ARHGAP15: variants seen among roughly 807,000 people sequenced by gnomAD.
ARHGAP15 encodes rho GTPase-activating protein 15.
In ARHGAP15, 51 loss-of-function variants were observed where a neutral mutation model predicts 63.7. That is an observed-to-expected ratio of 0.80 (90% CI 0.64 to 1.01). The LOEUF (loss-of-function observed/expected upper bound fraction) is 1.01, where lower values mean the gene tolerates loss of function less well. Among genes scored for constraint, ARHGAP15 ranks in the 50% least tolerant of loss-of-function variants. The pLI, the probability that ARHGAP15 is intolerant of heterozygous loss-of-function variation, is 0.00. For missense variants in ARHGAP15, 560 were observed against 564.6 expected (o/e 0.99, Z 0.08); for synonymous variants, 191 against 193.8 (o/e 0.99, Z 0.12).
intron 6 of ARHGAP15, among the ~76,000 whole-genome samples, chr2:143,307,009 T>G (rs1432182069): frequency 3.9e-5 from 6 of 152,100 alleles, no homozygotes; most frequent in Non-Finnish European, 8.8e-5. Context: ...AGGCTCAGGG[T>G]CCTCGTCCAA....
chr2:143,605,097 C>G (rs374987494), intron 11 of ARHGAP15, among the ~76,000 whole-genome samples: 2 of 151,926 alleles, frequency 1.3e-5, no homozygotes, highest in Non-Finnish European at 2.9e-5. Flanking sequence ...TTAGTAGAGA[C>G]GGGATTTTAC....
At chr2:143,489,563 T>A (rs1465215967) in intron 9 of ARHGAP15, among the ~76,000 whole-genome samples, 1 of 152,110 alleles carries the variant, frequency 6.6e-6, no homozygotes, top group Non-Finnish European at 1.5e-5. Flanking sequence ...CCCAACTCGG[T>A]AAAAGGCATT....
intron 6 of ARHGAP15, among the ~76,000 whole-genome samples, chr2:143,324,394 A>C (rs995216282): frequency 6.6e-6 from 1 of 152,180 alleles, no homozygotes; most frequent in African/African-American, 2.4e-5. Flanking sequence ...ATTACATGCT[A>C]AAAATGACTT....
intron 2 of ARHGAP15, among the ~76,000 whole-genome samples, chr2:143,188,919 G>C (rs554369699): frequency 1.3e-5 from 2 of 151,398 alleles, no homozygotes; most frequent in Non-Finnish European, 2.9e-5. Context: ...CCACCGTGCC[G>C]GCCCCTATGC....
intron 9 of ARHGAP15, among the ~76,000 whole-genome samples, chr2:143,493,850 A>G (rs1236802566): frequency 3.3e-5 from 5 of 152,160 alleles, no homozygotes; most frequent in African/African-American, 9.7e-5. Context: ...TCAACGGTCT[A>G]AAAAATACCT....
intron 6 of ARHGAP15, among the ~76,000 whole-genome samples, chr2:143,291,748 A>G (rs1200252114): frequency 6.6e-6 from 1 of 152,018 alleles, no homozygotes; most frequent in African/African-American, 2.4e-5. Flanking sequence ...TTGAATTCAA[A>G]CTGATGAGGT....
chr2:143,133,686 T>C (rs562202314), intron 1 of ARHGAP15, among the ~76,000 whole-genome samples: 8 of 152,312 alleles, frequency 5.3e-5, no homozygotes, highest in African/African-American at 1.7e-4. Flanking sequence ...TATAGTGAGA[T>C]GGTTCAAAAT....
rs182472980 is a variant in ARHGAP15, at chr2:143,550,628, A to G, written c.926-5780A>G. 1.9e-3 allele frequency among the ~76,000 whole-genome samples: 283 copies of G among 152,348 alleles called. 2 individuals carry two copies. Among genetic ancestry groups the G allele is most frequent in the African/African-American group, 6.8e-3 (281 of 41,576 alleles). On this transcript the variant is annotated intron_variant, in intron 10 of 13. Coordinates refer to ENST00000295095, the MANE Select transcript of ARHGAP15 (RefSeq NM_018460.4). ...GAATGCTGGTTTGGACAGCAAAGACATAGAACATTTCTATCATTGCAGAAA... is the reference window on the plus strand; with the variant it reads ...GAATGCTGGTTTGGACAGCAAAGACGTAGAACATTTCTATCATTGCAGAAA...
chr2:143,670,939 CAGAA>C (rs1682491215), intron 12 of ARHGAP15, among the ~76,000 whole-genome samples: 1 of 152,164 alleles, frequency 6.6e-6, no homozygotes, highest in Admixed American at 6.5e-5. Flanking sequence ...AAGCTATTGG[CAGAA>C]ATTACTGAAA....
chr2:143,375,640 T>G (rs1686775611), intron 6 of ARHGAP15, among the ~76,000 whole-genome samples: 1 of 152,172 alleles, frequency 6.6e-6, no homozygotes, highest in Non-Finnish European at 1.5e-5. Context: ...AATGAAATCT[T>G]AGACTGCCCT....
intron 13 of ARHGAP15, among the ~76,000 whole-genome samples, chr2:143,765,540 CA>C (rs1686919962): frequency 6.6e-6 from 1 of 152,102 alleles, no homozygotes; most frequent in South Asian, 2.1e-4. Flanking sequence ...CTGCTTAAAG[CA>C]GAAGAAAAGG....
intron 6 of ARHGAP15, among the ~76,000 whole-genome samples, chr2:143,316,988 C>T (rs1164700016): frequency 1.3e-5 from 2 of 152,044 alleles, no homozygotes; most frequent in Non-Finnish European, 2.9e-5. Context: ...AATGGTAGTG[C>T]CTCAAATAAA....
chr2:143,138,849 A>G (rs901663339), intron 1 of ARHGAP15, among the ~76,000 whole-genome samples: 1 of 152,142 alleles, frequency 6.6e-6, no homozygotes, highest in Non-Finnish European at 1.5e-5. Flanking sequence ...GCATTTAATC[A>G]TGCTCCATTG....
chr2:143,204,565 G>A (rs34720301), intron 3 of ARHGAP15, among the ~76,000 whole-genome samples: 25,853 of 152,008 alleles, frequency 0.17, 2,395 homozygotes, highest in Middle Eastern at 0.25. Context: ...ACATTACATT[G>A]GAGTTTAGGA....
intron 10 of ARHGAP15, among the ~76,000 whole-genome samples, chr2:143,532,578 A>C (rs1369613002): frequency 6.6e-6 from 1 of 152,202 alleles, no homozygotes; most frequent in Non-Finnish European, 1.5e-5. Flanking sequence ...CAAGTGACTT[A>C]ATGCTAGAAA....
At chr2:143,141,041 T>C (rs1331260169) in intron 1 of ARHGAP15, among the ~76,000 whole-genome samples, 2 of 152,060 alleles carry the variant, frequency 1.3e-5, no homozygotes, top group African/African-American at 2.4e-5. Flanking sequence ...GTGTAGAGCA[T>C]ACACACCCTG....
intron 2 of ARHGAP15, among the ~76,000 whole-genome samples, chr2:143,198,065 T>G (rs1199718063): frequency 6.6e-6 from 1 of 151,920 alleles, no homozygotes; most frequent in African/African-American, 2.4e-5. Context: ...GTTAAAATAC[T>G]ACCTATGCCT....
intron 11 of ARHGAP15, among the ~76,000 whole-genome samples, chr2:143,593,533 G>A (rs954466214): frequency 6.6e-5 from 10 of 152,148 alleles, no homozygotes; most frequent in African/African-American, 2.4e-4. Context: ...TAGGTTTATA[G>A]GATTCAGAAT....
chr2:143,267,992 T>TG (rs1254204246), intron 6 of ARHGAP15, among the ~76,000 whole-genome samples: 2 of 152,118 alleles, frequency 1.3e-5, no homozygotes, highest in East Asian at 3.8e-4. Context: ...ACATTTTGCT[T>TG]GGGAAAAAAC....
Sources: allele counts gnomAD v4.1 joint callset (sites outside exome capture counted in the v4.1 genomes callset), GRCh38; gene constraint gnomAD v4.1.1; transcripts MANE v1.5; gene names NCBI Gene and HGNC (gene_info 2026-07-23, HGNC 2026-07-21).